The following IGSF21 variants were observed in gnomAD, a reference collection of about 807,000 sequenced individuals.
The protein encoded by IGSF21 is immunoglobulin superfamily member 21.
Under a neutral mutation model 46.8 loss-of-function variants are expected in IGSF21, and 28 were observed. That is an observed-to-expected ratio of 0.60 (90% CI 0.44 to 0.82). The LOEUF (loss-of-function observed/expected upper bound fraction) is 0.82, where lower values mean the gene tolerates loss of function less well. Ranked by LOEUF, IGSF21 falls within the 40% of genes least tolerant of loss-of-function variation. The pLI, the probability that IGSF21 is intolerant of heterozygous loss-of-function variation, is 0.00. For missense variants in IGSF21, 624 were observed against 665.5 expected (o/e 0.94, Z 0.69); for synonymous variants, 284 against 273.6 (o/e 1.04, Z -0.38).
At chr1:18,167,873 A>G (rs955048565) in intron 1 of IGSF21, 1 of 152,114 alleles carries the variant, frequency 6.6e-6, no homozygotes, top group African/African-American at 2.4e-5. Context: ...TGCCACTCCG[A>G]AGTGTCTGGC....
intron 1 of IGSF21, among the ~76,000 whole-genome samples, chr1:18,185,554 G>T (rs965910596): frequency 1.3e-5 from 2 of 152,194 alleles, no homozygotes; most frequent in African/African-American, 2.4e-5. Context: ...CTGGGGTATT[G>T]TTACACTGGG....
At chr1:18,310,915 G>GTGTC (rs1372668049) in intron 3 of IGSF21, among the ~76,000 whole-genome samples, 1 of 152,188 alleles carries the variant, frequency 6.6e-6, no homozygotes, top group Non-Finnish European at 1.5e-5. Context: ...CTCCCGCTGT[G>GTGTC]TGTCTGTCTC....
chr1:18,133,014 A>G (rs2086336469), intron 1 of IGSF21, among the ~76,000 whole-genome samples: 1 of 152,062 alleles, frequency 6.6e-6, no homozygotes, highest in Non-Finnish European at 1.5e-5. Context: ...AAATAGAGTT[A>G]TATTCATTCT....
chr1:18,357,347 A>AGATGGG (rs1177757060), intron 4 of IGSF21, among the ~76,000 whole-genome samples: 11 of 141,090 alleles, frequency 7.8e-5, no homozygotes, highest in Middle Eastern at 3.8e-3. Flanking sequence ...ATGAAGATGG[A>AGATGGG]GATGGGGATG....
intron 1 of IGSF21, among the ~76,000 whole-genome samples, chr1:18,161,082 G>A (rs1163784515): frequency 6.6e-6 from 1 of 152,090 alleles, no homozygotes; most frequent in Admixed American, 6.5e-5. Context: ...TGGCCTCCTT[G>A]GCCTGCACTT....
chr1:18,208,397 T>TCTATATATATATATATATATATATA (rs368652183), intron 1 of IGSF21, among the ~76,000 whole-genome samples: 1 of 92,586 alleles, frequency 1.1e-5, no homozygotes, highest in African/African-American at 3.7e-5. Context: ...ATATATATAT[T>TCTATATATATATATATATATATATA]TTTTGAGACG....
rs186187718 is a variant in IGSF21 at position 18,350,785 on chromosome 1, G to A, written c.425-11330G>A. Among the ~76,000 whole-genome samples the A allele has an allele frequency of 5.3e-5, 8 of 152,290 alleles. No homozygotes were observed. In the East Asian group the frequency reaches 1.5e-3, roughly 29 times the overall value. On this transcript the variant is annotated intron_variant, in intron 4 of 9. Coordinates refer to ENST00000251296, the MANE Select transcript of IGSF21 (RefSeq NM_032880.5). ...ATGATTTACTTGCTCTCTGACTCGG[G>A]AAATCAATCCTAAAACGCTGATAGG...
At chr1:18,375,411 C>T (rs183079278) in intron 6 of IGSF21, among the ~76,000 whole-genome samples, 2 of 152,140 alleles carry the variant, frequency 1.3e-5, no homozygotes, top group Non-Finnish European at 2.9e-5. Flanking sequence ...CTACATTATC[C>T]GTGGAGCTCT....
chr1:18,108,107 C>G lies in IGSF21; in HGVS notation c.-22C>G. The G allele has an allele frequency of 7.9e-7, 1 of 1,268,760 alleles. No individual in the cohort carries two copies. The highest frequency in any genetic ancestry group is 1.0e-6 in the Non-Finnish European group (1 of 963,246). 78.6% of individuals were successfully genotyped at this position (1,268,760 alleles called of 1,614,324 possible). A position where few individuals can be genotyped will look rare whatever the true frequency, so the allele number is the denominator to read the frequency against. ...CGCCTCCACCCCCGCCGCCCCGCCA[C>G]CGCCGCCAGCTCCCGGGCACCATGC... On this transcript the variant is annotated 5_prime_UTR_variant, in exon 1 of 10. Coordinates refer to ENST00000251296, the MANE Select transcript of IGSF21 (RefSeq NM_032880.5).
At position 18,244,082 on chromosome 1, in the gene IGSF21, C is replaced by T. The variant is rs370742469; in HGVS notation, c.183+16072C>T. On this transcript the variant is annotated intron_variant, in intron 2 of 9. Coordinates refer to ENST00000251296, the MANE Select transcript of IGSF21 (RefSeq NM_032880.5). ...CTGTTAAGAGCAACCCTTGTTCAGC[C>T]TCAAAAGTGCCTGATTTGGACGACA... Among the ~76,000 whole-genome samples the T allele has an allele frequency of 1.1e-4, 16 of 152,350 alleles. No homozygotes were observed. In the East Asian group the frequency reaches 2.7e-3, roughly 26 times the overall value.
At chr1:18,292,585 C>T (rs1282142105) in intron 3 of IGSF21, among the ~76,000 whole-genome samples, 1 of 152,184 alleles carries the variant, frequency 6.6e-6, no homozygotes, top group Non-Finnish European at 1.5e-5. Flanking sequence ...TCTTCCAGAG[C>T]CTGCTGTTCT....
At chr1:18,192,105 C>T (rs1369829372) in intron 1 of IGSF21, among the ~76,000 whole-genome samples, 1 of 152,202 alleles carries the variant, frequency 6.6e-6, no homozygotes, top group Non-Finnish European at 1.5e-5. Context: ...TTTGGAGCCA[C>T]GCAAGCCTGG....
chr1:18,252,429 T>A (rs2084852060), intron 2 of IGSF21, among the ~76,000 whole-genome samples: 1 of 152,222 alleles, frequency 6.6e-6, no homozygotes, highest in Non-Finnish European at 1.5e-5. Context: ...GTCTTCCTTC[T>A]GCATTTTAAC....
Position 18,171,300 on chromosome 1 carries a change from CCTGGGGTCAGAGGG to C in IGSF21, c.71-56580_71-56567del, listed in dbSNP as rs576003433. Among the ~76,000 whole-genome samples the C allele has an allele frequency of 7.9e-5, 12 of 152,136 alleles. No individual in the cohort carries two copies. The South Asian group carries it at 2.3e-3, about 29-fold the overall frequency. On this transcript the variant is annotated intron_variant, in intron 1 of 9. Transcript: ENST00000251296. ...CTCATCCTTAGGGCCTGATGGGATC[CCTGGGGTCAGAGGG>C]CTGGGGTCAGAGGGCTGCAGGGCAG...
chr1:18,317,307 G>A (rs568099060), intron 3 of IGSF21, among the ~76,000 whole-genome samples: 1 of 152,290 alleles, frequency 6.6e-6, no homozygotes, highest in Non-Finnish European at 1.5e-5. Flanking sequence ...ACAATCCTGT[G>A]AGGCAGGCAT....
intron 3 of IGSF21, among the ~76,000 whole-genome samples, chr1:18,301,940 G>A (rs1227654141): frequency 6.6e-6 from 1 of 152,172 alleles, no homozygotes; most frequent in Non-Finnish European, 1.5e-5. Flanking sequence ...CTCTTGGCTG[G>A]TAGCATCAAT....
chr1:18,108,853 G>C (rs1016015293), intron 1 of IGSF21, among the ~76,000 whole-genome samples: 3 of 151,838 alleles, frequency 2.0e-5, no homozygotes, highest in African/African-American at 7.3e-5. Context: ...TGTGGGATGG[G>C]TGGGGGTGCA....
chr1:18,236,470 C>T (rs1039002372), intron 2 of IGSF21, among the ~76,000 whole-genome samples: 2 of 152,176 alleles, frequency 1.3e-5, no homozygotes, highest in African/African-American at 4.8e-5. Context: ...CAGGGACAGG[C>T]GTCAAGCACT....
intron 3 of IGSF21, among the ~76,000 whole-genome samples, chr1:18,303,133 A>T (rs980642822): frequency 9.2e-5 from 14 of 152,130 alleles, no homozygotes; most frequent in African/African-American, 3.1e-4. Flanking sequence ...ACCCTCCCTT[A>T]TTCATCTCTA....
Sources: gnomAD v4.1 joint callset for allele counts (sites outside exome capture counted in the v4.1 genomes callset) on GRCh38, gnomAD v4.1.1 for gene constraint, MANE v1.5 for transcripts, NCBI Gene and HGNC (gene_info 2026-07-23, HGNC 2026-07-21) for gene names.